Variants in AKT3 observed in about 807,000 individuals in gnomAD.
AKT3 encodes RAC-gamma serine/threonine-protein kinase.
A neutral mutation model predicts 65.3 loss-of-function variants in AKT3; 15 were observed. That is an observed-to-expected ratio of 0.23 (90% confidence interval 0.15 to 0.35). The LOEUF is 0.35. AKT3 is among the 10% of genes least tolerant of loss of function. AKT3 has a pLI of 1.00. For synonymous variants in AKT3, 206 were observed against 183.8 expected, an observed-to-expected ratio of 1.12 and a Z score of -0.98; for missense variants, 243 against 576.5, an observed-to-expected ratio of 0.42 and a Z score of 5.92.
rs201603638 is a variant in AKT3 at position 243,646,050 on chromosome 1, G to A, written c.285-13C>T. The A allele has an allele frequency of 5.8e-4, 914 of 1,573,436 alleles. No individual in the cohort carries two copies. Among genetic ancestry groups the A allele is most frequent in the Non-Finnish European group, 7.6e-4 (887 of 1,165,394 alleles). On this transcript the variant is annotated splice_polypyrimidine_tract_variant and intron_variant, in intron 4 of 13. Coordinates refer to ENST00000673466, the MANE Select transcript of AKT3 (RefSeq NM_005465.7). ...TGTCCATTCTTCCCTATAAAAATGA[G>A]TAAAATTTCCCATTAATAGAAGATG... is the stretch of plus-strand genomic sequence containing the variant.
At chr1:243,667,684 C>A (rs991013968) in intron 3 of AKT3, among the ~76,000 whole-genome samples, 2 of 152,172 alleles carry the variant, frequency 1.3e-5, no homozygotes, top group Admixed American at 6.5e-5. Flanking sequence ...AAATGAAGAT[C>A]TGCAAAAAAG....
chr1:243,499,887 A>C lies in AKT3; in HGVS notation c.*5362T>G. ...AACGCACCACGACCTTCCCAGGGTG[A>C]CACCGCCTCAGCCTGCAGTGGGGCT... On this transcript the variant is annotated 3_prime_UTR_variant, in exon 14 of 14. Transcript: ENST00000673466. 1 of 1,134,574 alleles carries C rather than the reference A, an allele frequency of 8.8e-7. No individual in the cohort carries two copies. Among genetic ancestry groups the C allele is most frequent in the Non-Finnish European group, 1.3e-6 (1 of 763,688 alleles). The allele number at this position is 1,134,574 out of a possible 1,614,324, so 70.3% of individuals were successfully genotyped here. A position where few individuals can be genotyped will look rare whatever the true frequency, so the allele number is the denominator to read the frequency against.
intron 13 of AKT3, among the ~76,000 whole-genome samples, chr1:243,493,163 GT>G (rs1558549829): frequency 1.4e-5 from 2 of 143,026 alleles, no homozygotes; most frequent in Admixed American, 7.1e-5. Flanking sequence ...GGGCTGGGTA[GT>G]CGCACTCTCG....
At chr1:243,508,955 C>A (rs535852729) in intron 13 of AKT3, among the ~76,000 whole-genome samples, 1 of 152,134 alleles carries the variant, frequency 6.6e-6, no homozygotes, top group East Asian at 1.9e-4. Context: ...TACAGGTGTG[C>A]ACCACTGCGC....
In AKT3 at chr1:243,515,976, C is replaced by CAA. The variant is rs34471647; in HGVS notation, c.1252-3552_1252-3551dup. 7.2e-3 allele frequency among the ~76,000 whole-genome samples: 1,002 copies of CAA among 139,714 alleles called. 14 individuals carry two copies. The highest frequency in any genetic ancestry group is 0.025 in the African/African-American group (946 of 38,334). 91.7% of individuals were successfully genotyped at this position (139,714 alleles called of 152,430 possible). On this transcript the variant is annotated intron_variant, in intron 12 of 13. Transcript: ENST00000673466. ...TGGGCGACGGAGCAAGACTCCATCT[C>CAA]AAAAAAAAAAAAAAATCTCTTGCAT...
At chr1:243,743,077 T>C (rs1047111866) in intron 2 of AKT3, among the ~76,000 whole-genome samples, 1 of 152,206 alleles carries the variant, frequency 6.6e-6, no homozygotes, top group Non-Finnish European at 1.5e-5. Flanking sequence ...ATTAGTCACA[T>C]AGATCCAAAG....
chr1:243,634,973 G>A lies in AKT3; in HGVS notation c.561+2638C>T, dbSNP rs115457651. Among the ~76,000 whole-genome samples, 477 of 151,926 alleles carry A rather than the reference G, an allele frequency of 3.1e-3. 5 individuals carry two copies. Among genetic ancestry groups the A allele is most frequent in the African/African-American group, 0.011 (447 of 41,506 alleles). On this transcript the variant is annotated intron_variant, in intron 6 of 13. Coordinates refer to ENST00000673466, the MANE Select transcript of AKT3 (RefSeq NM_005465.7). ...TAAATCTAAGACATATACACAAAAT[G>A]CTCTATTAAATATACACAAAATACT...
At chr1:243,706,316 G>C (rs1004592463) in intron 2 of AKT3, among the ~76,000 whole-genome samples, 2 of 152,166 alleles carry the variant, frequency 1.3e-5, no homozygotes, top group African/African-American at 2.4e-5. Context: ...CATGCCTGAT[G>C]GATATGACAA....
intron 13 of AKT3, 27 bp downstream of exon 13, chr1:243,512,297 T>C: frequency 8.1e-7 from 1 of 1,227,190 alleles, no homozygotes; most frequent in East Asian, 2.4e-5. Context: ...ATTAGAAATT[T>C]ATCAATTGCC....
chr1:243,818,340 T>G (rs1055287269), intron 2 of AKT3, among the ~76,000 whole-genome samples: 1 of 152,198 alleles, frequency 6.6e-6, no homozygotes, highest in African/African-American at 2.4e-5. Context: ...TGACTCATCT[T>G]GAAGTCTTTT....
At chr1:243,593,596 A>T (rs1676388022) in intron 8 of AKT3, among the ~76,000 whole-genome samples, 1 of 152,160 alleles carries the variant, frequency 6.6e-6, no homozygotes, top group Non-Finnish European at 1.5e-5. Context: ...CTGAGGCAGG[A>T]GAATCACTTA....
At chr1:243,634,028 C>A (rs1679798465) in intron 6 of AKT3, among the ~76,000 whole-genome samples, 1 of 152,052 alleles carries the variant, frequency 6.6e-6, no homozygotes, top group African/African-American at 2.4e-5. Context: ...TCTATAAAGT[C>A]ATTCCTTGAT....
At chr1:243,815,767 C>T (rs1693474749) in intron 2 of AKT3, among the ~76,000 whole-genome samples, 1 of 41,806 alleles carries the variant, frequency 2.4e-5, no homozygotes, top group Non-Finnish European at 7.4e-5. Flanking sequence ...TGCACCACCA[C>T]ACCCAGCTAG....
intron 5 of AKT3, among the ~76,000 whole-genome samples, chr1:243,643,686 C>A (rs1165591338): frequency 6.6e-6 from 1 of 152,188 alleles, no homozygotes; most frequent in South Asian, 2.1e-4. Flanking sequence ...AGGTAACGAA[C>A]CCTATTTCAT....
At chr1:243,815,010 G>C (rs1356309917) in intron 2 of AKT3, among the ~76,000 whole-genome samples, 1 of 152,092 alleles carries the variant, frequency 6.6e-6, no homozygotes, top group Non-Finnish European at 1.5e-5. Context: ...ATATTTCTAA[G>C]GTCTTAAAGG....
chr1:243,798,932 T>A (rs1692214485), intron 2 of AKT3, among the ~76,000 whole-genome samples: 1 of 152,210 alleles, frequency 6.6e-6, no homozygotes, highest in African/African-American at 2.4e-5. Flanking sequence ...TTAGATGACT[T>A]AAATTCTGTT....
At chr1:243,531,513 AC>A (rs1671529331) in intron 12 of AKT3, among the ~76,000 whole-genome samples, 1 of 152,262 alleles carries the variant, frequency 6.6e-6, no homozygotes, top group South Asian at 2.1e-4. Context: ...TGTCATAAAT[AC>A]AATGCTTTTT....
downstream of AKT3, among the ~76,000 whole-genome samples, chr1:243,498,133 G>A (rs1325256635): frequency 6.6e-6 from 1 of 152,210 alleles, no homozygotes; most frequent in Non-Finnish European, 1.5e-5. Flanking sequence ...AGGGGTGGAG[G>A]GCCATTCAAA....
chr1:243,825,906 C>A (rs1194644691), intron 2 of AKT3, among the ~76,000 whole-genome samples: 2 of 152,062 alleles, frequency 1.3e-5, no homozygotes, highest in East Asian at 3.9e-4. Context: ...CCAAGGCAGG[C>A]AGAACACCTG....
Sources: gnomAD v4.1 joint callset for allele counts (sites outside exome capture counted in the v4.1 genomes callset) on GRCh38, gnomAD v4.1.1 for gene constraint, MANE v1.5 for transcripts, NCBI Gene and HGNC (gene_info 2026-07-23, HGNC 2026-07-21) for gene names.